Variants in VPS13A observed in about 807,000 individuals in gnomAD.
VPS13A encodes the protein intermembrane lipid transfer protein VPS13A.
VPS13A carries 264 observed loss-of-function variants against 390.9 expected under a neutral mutation model. The observed-to-expected ratio is 0.68, with a 90% CI of 0.61 to 0.75. VPS13A has a LOEUF of 0.75. Among genes scored for constraint, VPS13A ranks in the 30% least tolerant of loss-of-function variants. The pLI, the probability that VPS13A is intolerant of heterozygous loss-of-function variation, is 0.00. For synonymous variants in VPS13A, 1,231 were observed against 1,227.1 expected, an observed-to-expected ratio of 1.00 and a Z score of -0.07; for missense variants, 3,409 against 3,733.9, an observed-to-expected ratio of 0.91 and a Z score of 2.27.
At chr9:77,359,030 C>T (rs1055216487) in intron 57 of VPS13A, among the ~76,000 whole-genome samples, 3 of 152,172 alleles carry the variant, frequency 2.0e-5, no homozygotes, top group African/African-American at 7.2e-5. Flanking sequence ...TAAGCCCTTC[C>T]ACCTAGAGGT....
At chr9:77,188,837 ATCT>A (rs1438886988) in intron 1 of VPS13A, among the ~76,000 whole-genome samples, 2 of 151,882 alleles carry the variant, frequency 1.3e-5, no homozygotes, top group African/African-American at 2.4e-5. Context: ...GTAGGATCGT[ATCT>A]CACTAATCAT....
chr9:77,276,801 C>T (rs964146836), intron 26 of VPS13A, among the ~76,000 whole-genome samples: 1 of 152,184 alleles, frequency 6.6e-6, no homozygotes, highest in Admixed American at 6.5e-5. Flanking sequence ...GCATCAGATC[C>T]TCCTCATGTT....
chr9:77,410,707 A>G (rs1467953347), intron 71 of VPS13A, among the ~76,000 whole-genome samples: 1 of 152,188 alleles, frequency 6.6e-6, no homozygotes, highest in African/African-American at 2.4e-5. Context: ...AGGCCATTAC[A>G]TAATGGTAAA....
At position 77,281,939 on chromosome 9, in the gene VPS13A, A is replaced by G. The variant is rs115996561; in HGVS notation, c.2964+13A>G. The G allele has an allele frequency of 9.2e-3, 13,853 of 1,510,168 alleles. 185 individuals are homozygous for G. The highest frequency in any genetic ancestry group is 0.063 in the African/African-American group (4,594 of 72,468). 93.5% of individuals were successfully genotyped at this position (1,510,168 alleles called of 1,614,324 possible). On this transcript the variant is annotated intron_variant, in intron 28 of 71. Coordinates refer to ENST00000360280, the MANE Select transcript of VPS13A (RefSeq NM_033305.3). The stretch of plus-strand genomic sequence containing the variant: ...ACAATTGATTAAGGTATGAGTAGAT[A>G]ATTTATTTTTTAATTATGTACTATT...
chr9:77,327,377 T>A (rs1830066915), intron 45 of VPS13A, among the ~76,000 whole-genome samples: 1 of 152,192 alleles, frequency 6.6e-6, no homozygotes, highest in Non-Finnish European at 1.5e-5. Context: ...GAATTTTGAA[T>A]TTCTTACAGG....
At chr9:77,292,731 CA>C (rs888319997) in intron 31 of VPS13A, among the ~76,000 whole-genome samples, 15 of 152,246 alleles carry the variant, frequency 9.9e-5, no homozygotes, top group Non-Finnish European at 1.6e-4. Flanking sequence ...GTCCCTCTTC[CA>C]AAATTTTTTT....
intron 19 of VPS13A, among the ~76,000 whole-genome samples, chr9:77,239,437 A>T (rs1313648850): frequency 6.6e-6 from 1 of 152,122 alleles, no homozygotes; most frequent in Non-Finnish European, 1.5e-5. Flanking sequence ...CATTAAGTAC[A>T]TGCAGGAGTA....
At position 77,384,203 on chromosome 9, in the gene VPS13A, C is replaced by T. The variant is rs189715058; in HGVS notation, c.9189+2116C>T. The stretch of plus-strand genomic sequence containing the variant: ...AAAGATGTATTCACTAAATTATATA[C>T]ACTCATATAATAATTAAATATAAAA... On this transcript the variant is annotated intron_variant, in intron 68 of 71. Coordinates refer to ENST00000360280, the MANE Select transcript of VPS13A (RefSeq NM_033305.3). Among the ~76,000 whole-genome samples, 96 of 151,810 alleles carry T rather than the reference C, an allele frequency of 6.3e-4. 1 individual carries two copies. In the Middle Eastern group the frequency reaches 0.017, roughly 27 times the overall value.
At position 77,416,169 on chromosome 9, in the gene VPS13A, A is replaced by G. The variant is rs993269469; in HGVS notation, c.*163A>G. ...AAAAAAACAAAAACAAAAAAACAAA[A>G]CCAGAATCAGGTAAAACAGCTATGT... On this transcript the variant is annotated 3_prime_UTR_variant, in exon 72 of 72. Coordinates refer to ENST00000360280, the MANE Select transcript of VPS13A (RefSeq NM_033305.3). The G allele has an allele frequency of 1.3e-6, 1 of 785,060 alleles. No homozygotes were observed. Among genetic ancestry groups the G allele is most frequent in the Non-Finnish European group, 2.1e-6 (1 of 479,934 alleles). 48.6% of individuals were successfully genotyped at this position (785,060 alleles called of 1,614,324 possible). A position where few individuals can be genotyped will look rare whatever the true frequency, so the allele number is the denominator to read the frequency against.
At position 77,226,004 on chromosome 9, in the gene VPS13A, T is replaced by C. The variant is rs1823483405; in HGVS notation, c.1224+16T>C. 3 of 1,599,194 alleles carry C rather than the reference T, an allele frequency of 1.9e-6. No individual in the cohort carries two copies. Among genetic ancestry groups the C allele is most frequent in the Middle Eastern group, 1.7e-4 (1 of 6,028 alleles). On this transcript the variant is annotated intron_variant, in intron 14 of 71. Transcript: ENST00000360280. ...AGAAGTTGAGGTAATTCTTGGCTTT[T>C]CAATTAGTAAAAATAATTCTGAATT... is the stretch of plus-strand genomic sequence containing the variant.
At chr9:77,195,788 T>C (rs1192827926) in intron 1 of VPS13A, among the ~76,000 whole-genome samples, 4 of 152,296 alleles carry the variant, frequency 2.6e-5, no homozygotes, top group Admixed American at 2.0e-4. Context: ...TTATTTTTTT[T>C]CCATTCTCTT....
rs1835180862 is a variant in VPS13A, at chr9:77,416,751, G to T, written c.*745G>T. ...AAGCCTATTTCATGAGATCTACTTG[G>T]TTTACCCAAGTCATGTTTTTAATAG... On this transcript the variant is annotated 3_prime_UTR_variant, in exon 72 of 72. Transcript: ENST00000360280. 1 of 152,448 alleles carries T rather than the reference G, an allele frequency of 6.6e-6. No homozygotes were observed. Among genetic ancestry groups the T allele is most frequent in the African/African-American group, 2.4e-5 (1 of 41,370 alleles). The allele number at this position is 152,448 out of a possible 1,614,324, so 9.4% of individuals were successfully genotyped here. A position where few individuals can be genotyped will look rare whatever the true frequency, so the allele number is the denominator to read the frequency against.
At chr9:77,357,573 TA>T in intron 55 of VPS13A, 118 bp from the exon 56 acceptor site, 1 of 1,045,844 alleles carries the variant, frequency 9.6e-7, no homozygotes, top group Non-Finnish European at 1.4e-6. Flanking sequence ...TATTAAGATC[TA>T]AATCTAAACT....
At position 77,368,124 on chromosome 9, in the gene VPS13A, C is replaced by CA; in HGVS notation, c.8541_8542insA (p.Tyr2848IlefsTer7). On this transcript the variant is annotated frameshift_variant, in exon 62 of 72. Coordinates refer to ENST00000360280, the MANE Select transcript of VPS13A (RefSeq NM_033305.3). LOFTEE classifies it high-confidence loss of function. ...ATCTACAGTCTGAAGTCATAAGACA[C>CA]TATTCAAAACAGGTTTGTCTAAGAT... 6.2e-7 allele frequency: 1 copy of CA among 1,611,426 alleles called. No homozygotes were observed. The highest frequency in any genetic ancestry group is 8.5e-7 in the Non-Finnish European group (1 of 1,178,942).
At chr9:77,299,915 C>T (rs902268951) in intron 33 of VPS13A, among the ~76,000 whole-genome samples, 3 of 151,798 alleles carry the variant, frequency 2.0e-5, no homozygotes, top group Non-Finnish European at 2.9e-5. Context: ...CATCACACAG[C>T]GGGGCCTGTT....
intron 5 of VPS13A, among the ~76,000 whole-genome samples, chr9:77,207,743 A>G (rs968792066): frequency 4.3e-4 from 65 of 152,152 alleles, no homozygotes; most frequent in African/African-American, 1.4e-3. Flanking sequence ...TGCTCCTTAT[A>G]CAGATTTAAA....
intron 19 of VPS13A, among the ~76,000 whole-genome samples, chr9:77,242,953 A>G (rs1454504930): frequency 6.6e-6 from 1 of 152,004 alleles, no homozygotes; most frequent in Admixed American, 6.6e-5. Flanking sequence ...AAAAATGCTA[A>G]TTCTATGAAA....
At chr9:77,264,033 T>G (rs1027233992) in intron 23 of VPS13A, among the ~76,000 whole-genome samples, 4 of 151,958 alleles carry the variant, frequency 2.6e-5, no homozygotes, top group African/African-American at 9.7e-5. Context: ...TTTTGTCAGA[T>G]TTGTCTTTAA....
At chr9:77,405,547 T>C (rs1344587612) in intron 69 of VPS13A, among the ~76,000 whole-genome samples, 2 of 152,230 alleles carry the variant, frequency 1.3e-5, no homozygotes, top group African/African-American at 4.8e-5. Flanking sequence ...TTTTATGGTG[T>C]ATTTTCATTC....
Sources: allele counts gnomAD v4.1 joint callset (sites outside exome capture counted in the v4.1 genomes callset), GRCh38; gene constraint gnomAD v4.1.1; transcripts MANE v1.5; gene names NCBI Gene and HGNC (gene_info 2026-07-23, HGNC 2026-07-21).